The following CNTN5 variants were observed in gnomAD, a reference collection of about 807,000 sequenced individuals.
CNTN5 encodes contactin-5.
Under a neutral mutation model 129.1 loss-of-function variants are expected in CNTN5, and 77 were observed. The observed-to-expected ratio is 0.60, with a 90% CI of 0.50 to 0.72. The LOEUF (loss-of-function observed/expected upper bound fraction) is 0.72. Among genes scored for constraint, CNTN5 ranks in the 30% least tolerant of loss-of-function variants. The probability of loss-of-function intolerance (pLI) is 0.00; values close to 1 mark genes in which losing one functional copy is unlikely to be tolerated. For missense variants in CNTN5, 1,478 were observed against 1,328.8 expected (o/e 1.11, Z -1.75); for synonymous variants, 509 against 465.6 (o/e 1.09, Z -1.20).
chr11:99,812,547 A>T (rs1263608288), intron 3 of CNTN5, among the ~76,000 whole-genome samples: 1 of 152,158 alleles, frequency 6.6e-6, no homozygotes, highest in African/African-American at 2.4e-5. Flanking sequence ...TTTGATCTTT[A>T]CAACAATCTA....
rs182722116 is a variant in CNTN5 at position 100,134,510 on chromosome 11, A to G, written c.1581-56616A>G. Among the ~76,000 whole-genome samples the G allele has an allele frequency of 6.6e-5, 10 of 152,322 alleles. No homozygotes were observed. The East Asian group carries it at 1.4e-3, about 21-fold the overall frequency. On this transcript the variant is annotated intron_variant, in intron 13 of 24. Transcript: ENST00000524871. ...ATATGGCTAATGCCTAATAAATGATAAACTGGAGTTTTATTATTTTATTCC... is the reference window on the plus strand; with the variant it reads ...ATATGGCTAATGCCTAATAAATGATGAACTGGAGTTTTATTATTTTATTCC...
rs1221657641 is a variant in CNTN5 at position 100,357,470 on chromosome 11, T to G, written c.*1250T>G. ...GAGCCTGAGAGATCCTAGAGAGTTG[T>G]TGGAAAATGAGATGAAAATTTTCTA... On this transcript the variant is annotated 3_prime_UTR_variant, in exon 25 of 25. Coordinates refer to ENST00000524871, the MANE Select transcript of CNTN5 (RefSeq NM_014361.4). 1 of 151,640 alleles carries G rather than the reference T, an allele frequency of 6.6e-6. No individual in the cohort carries two copies. Among genetic ancestry groups the G allele is most frequent in the African/African-American group, 2.4e-5 (1 of 41,362 alleles). 9.4% of individuals were successfully genotyped at this position (151,640 alleles called of 1,614,324 possible).
At chr11:99,594,586 A>G (rs1439189783) in intron 3 of CNTN5, among the ~76,000 whole-genome samples, 1 of 152,164 alleles carries the variant, frequency 6.6e-6, no homozygotes, top group Non-Finnish European at 1.5e-5. Context: ...TTTGTGGTTC[A>G]CTTTGGCCGG....
rs528905692 is a variant in CNTN5, at chr11:100,108,926, C to T, written c.1580+34632C>T. Among the ~76,000 whole-genome samples the T allele has an allele frequency of 9.1e-4, 138 of 152,068 alleles. 1 individual carries two copies. Among genetic ancestry groups the T allele is most frequent in the African/African-American group, 3.2e-3 (133 of 41,484 alleles). ...CTCTGTGTTTCTTGCATAAAATTAT[C>T]GTCTTGAGAGCTGGCTCTAGAAAAA... On this transcript the variant is annotated intron_variant, in intron 13 of 24. Transcript: ENST00000524871.
chr11:99,048,144 G>A (rs991415287), intron 1 of CNTN5, among the ~76,000 whole-genome samples: 1 of 151,862 alleles, frequency 6.6e-6, no homozygotes, highest in Non-Finnish European at 1.5e-5. Context: ...TTGTTTAGAT[G>A]AGTTCACAGT....
At chr11:99,137,908 T>A (rs1859315701) in intron 1 of CNTN5, among the ~76,000 whole-genome samples, 1 of 152,182 alleles carries the variant, frequency 6.6e-6, no homozygotes, top group Non-Finnish European at 1.5e-5. Context: ...CTCTTGGCAT[T>A]GAAAGAGAAA....
At chr11:100,340,729 T>A in intron 22 of CNTN5, 80 bp downstream of exon 22, 1 of 1,252,926 alleles carries the variant, frequency 8.0e-7, no homozygotes, top group Non-Finnish European at 1.1e-6. Flanking sequence ...GTGAGGTGCA[T>A]AATAAGCAGA....
chr11:100,247,594 G>C (rs1193447661), intron 16 of CNTN5, among the ~76,000 whole-genome samples: 2 of 152,100 alleles, frequency 1.3e-5, no homozygotes, highest in African/African-American at 2.4e-5. Context: ...AACTCTGCCA[G>C]CCCGGGATGT....
chr11:100,011,619 T>C (rs1446316373), intron 9 of CNTN5, among the ~76,000 whole-genome samples: 1 of 152,144 alleles, frequency 6.6e-6, no homozygotes, highest in African/African-American at 2.4e-5. Flanking sequence ...ACACATTCAA[T>C]TTCCTGCCCT....
intron 6 of CNTN5, among the ~76,000 whole-genome samples, chr11:99,853,150 G>A (rs1319125313): frequency 6.6e-6 from 1 of 152,092 alleles, no homozygotes; most frequent in Non-Finnish European, 1.5e-5. Flanking sequence ...GGACAAGTCA[G>A]AACAGAATAT....
chr11:99,720,555 G>C (rs992683126), intron 3 of CNTN5, among the ~76,000 whole-genome samples: 1 of 152,048 alleles, frequency 6.6e-6, no homozygotes. Flanking sequence ...TATACTGAAT[G>C]GGCAAAAGTT....
rs1491397230 is a variant in CNTN5 at position 99,738,641 on chromosome 11, GTA to G, written c.56-80901_56-80900del. Among the ~76,000 whole-genome samples the G allele has an allele frequency of 9.1e-3, 1,375 of 151,390 alleles. 16 individuals carry two copies. The highest frequency in any genetic ancestry group is 0.024 in the African/African-American group (990 of 41,118). ...CGTGTGTGTGTGTGTGTGTGTGTGT[GTA>G]TGTGTGTGTAGAACCTGGAGTGTAG... On this transcript the variant is annotated intron_variant, in intron 3 of 24. Transcript: ENST00000524871.
intron 4 of CNTN5, among the ~76,000 whole-genome samples, chr11:99,827,530 AACAAG>A (rs1292939711): frequency 1.3e-5 from 2 of 152,238 alleles, no homozygotes; most frequent in Non-Finnish European, 2.9e-5. Flanking sequence ...TAAAATTTAA[AACAAG>A]ACTAGACTAA....
intron 9 of CNTN5, among the ~76,000 whole-genome samples, chr11:100,032,417 A>C (rs945654578): frequency 1.2e-4 from 19 of 152,128 alleles, no homozygotes; most frequent in Non-Finnish European, 1.0e-4. Flanking sequence ...CAAAAAAGAC[A>C]GTTATAAATT....
chr11:99,564,642 T>C (rs12804429), intron 3 of CNTN5, among the ~76,000 whole-genome samples: 1 of 152,218 alleles, frequency 6.6e-6, no homozygotes, highest in Non-Finnish European at 1.5e-5. Context: ...ATAATTACTG[T>C]AGCCTATTTT....
chr11:99,545,348 C>T (rs1431176565), intron 2 of CNTN5, among the ~76,000 whole-genome samples: 1 of 152,140 alleles, frequency 6.6e-6, no homozygotes, highest in Non-Finnish European at 1.5e-5. Flanking sequence ...GATAGTGATT[C>T]AAAATGCCAA....
chr11:100,169,500 C>A, intron 13 of CNTN5, among the ~76,000 whole-genome samples: 1 of 151,998 alleles, frequency 6.6e-6, no homozygotes, highest in South Asian at 2.1e-4. Flanking sequence ...GGTGAAGACC[C>A]TTCACCAGCG....
intron 9 of CNTN5, among the ~76,000 whole-genome samples, chr11:100,051,940 G>T (rs1942974752): frequency 6.6e-6 from 1 of 151,818 alleles, no homozygotes; most frequent in Non-Finnish European, 1.5e-5. Flanking sequence ...AATTAAATTT[G>T]TAATTAAAAA....
rs181112058 is a variant in CNTN5 at position 99,113,881 on chromosome 11, C to T, written c.-210+92611C>T. Among the ~76,000 whole-genome samples the T allele has an allele frequency of 1.1e-3, 170 of 152,250 alleles. 1 individual carries two copies. Among genetic ancestry groups the T allele is most frequent in the African/African-American group, 3.9e-3 (162 of 41,564 alleles). ...CTGTGTTTCTCTAAAACTAAGTATC[C>T]TCTTGTAACACTCACCTAAGAATAC... On this transcript the variant is annotated intron_variant, in intron 1 of 24. Transcript: ENST00000524871.
Sources: allele counts gnomAD v4.1 joint callset (sites outside exome capture counted in the v4.1 genomes callset), GRCh38; gene constraint gnomAD v4.1.1; transcripts MANE v1.5; gene names NCBI Gene and HGNC (gene_info 2026-07-23, HGNC 2026-07-21).